The following SEZ6 variants were observed in gnomAD, a reference collection of about 807,000 sequenced individuals.
The protein encoded by SEZ6 is seizure protein 6 homolog.
Under a neutral mutation model 101.0 loss-of-function variants are expected in SEZ6, and 53 were observed. The observed-to-expected ratio is 0.52, with a 90% CI of 0.42 to 0.66. The LOEUF (loss-of-function observed/expected upper bound fraction) is 0.66. Ranked by LOEUF, SEZ6 falls within the 30% of genes least tolerant of loss-of-function variation. The pLI is 0.00. For missense variants in SEZ6, 1,102 were observed against 1,289.4 expected (o/e 0.85, Z 2.23); for synonymous variants, 488 against 512.2 (o/e 0.95, Z 0.64).
At position 28,959,539 on chromosome 17, in the gene SEZ6, G is replaced by T. The variant is rs897025631; in HGVS notation, c.1772-67C>A. On this transcript the variant is annotated intron_variant, in intron 8 of 16. Transcript: ENST00000317338. This position sits in a 1 kb window ranked among gnomAD's most constrained non-coding sequence, Gnocchi z 4.4. ...CCATGGTGTTGCTTACCATCTGCCCGCAGGAGTGCCCACAAATTGCTGGGA... is the reference window on the plus strand; with the variant it reads ...CCATGGTGTTGCTTACCATCTGCCCTCAGGAGTGCCCACAAATTGCTGGGA... 4.4e-6 allele frequency: 7 copies of T among 1,577,968 alleles called. No individual in the cohort carries two copies. Among genetic ancestry groups the T allele is most frequent in the Non-Finnish European group, 5.2e-6 (6 of 1,163,054 alleles).
At chr17:28,965,306 C>T (rs911053068) in intron 4 of SEZ6, among the ~76,000 whole-genome samples, 6 of 152,152 alleles carry the variant, frequency 3.9e-5, no homozygotes, top group African/African-American at 2.4e-5. Context: ...GAGCCGAGAT[C>T]GTGCCATTGC....
chr17:28,964,364 A>G (rs2152684965), intron 4 of SEZ6, among the ~76,000 whole-genome samples: 1 of 152,276 alleles, frequency 6.6e-6, no homozygotes, highest in East Asian at 1.9e-4. Flanking sequence ...CAGAGCTGGA[A>G]ATTAGAAGGG....
intron 5 of SEZ6, among the ~76,000 whole-genome samples, chr17:28,963,249 C>T (rs2041014178): frequency 6.6e-6 from 1 of 152,192 alleles, no homozygotes; most frequent in Non-Finnish European, 1.5e-5. Context: ...CAGGACCAGA[C>T]CTGGGAGTCC....
Position 28,959,929 on chromosome 17 carries a change from C to T in SEZ6, c.1577-37G>A, listed in dbSNP as rs1209162384. On this transcript the variant is annotated intron_variant, in intron 7 of 16. Coordinates refer to ENST00000317338, the MANE Select transcript of SEZ6 (RefSeq NM_178860.5). The surrounding 1 kb of genome is among the most constrained non-coding windows in gnomAD (Gnocchi z 4.4). The stretch of plus-strand genomic sequence containing the variant: ...AGGTCCCAGCCCAGCTCAGCCTTGA[C>T]TGGTATTAAACACAGTGGGCAAGCA... 3.2e-6 allele frequency: 5 copies of T among 1,572,804 alleles called. No individual in the cohort carries two copies. In the Admixed American group the frequency reaches 9.4e-5, roughly 29 times the overall value.
Position 28,957,001 on chromosome 17 carries a change from C to T in SEZ6, c.2692+44G>A, listed in dbSNP as rs534752060. 27 of 1,516,094 alleles carry T rather than the reference C, an allele frequency of 1.8e-5. No individual in the cohort carries two copies. In the South Asian group the frequency reaches 3.5e-4, roughly 20 times the overall value. The allele number at this position is 1,516,094 out of a possible 1,614,324, so 93.9% of individuals were successfully genotyped here. A position where few individuals can be genotyped will look rare whatever the true frequency, so the allele number is the denominator to read the frequency against. ...ACATTGGACATCTTTGCCAGAGCAGCTCTATGGGCCAGGGAGGGTTTTGAG... is the reference window on the plus strand; with the variant it reads ...ACATTGGACATCTTTGCCAGAGCAGTTCTATGGGCCAGGGAGGGTTTTGAG... On this transcript the variant is annotated intron_variant, in intron 13 of 16. Transcript: ENST00000317338.
chr17:28,973,125 T>G (rs779736308), intron 3 of SEZ6, among the ~76,000 whole-genome samples: 2 of 152,174 alleles, frequency 1.3e-5, no homozygotes, highest in Non-Finnish European at 2.9e-5. Context: ...TGTATTGTAC[T>G]AAGTGCTTTT....
At chr17:28,971,547 C>T (rs1222387543) in intron 3 of SEZ6, among the ~76,000 whole-genome samples, 3 of 152,032 alleles carry the variant, frequency 2.0e-5, no homozygotes, top group African/African-American at 7.2e-5. Context: ...GAGCCGAGAT[C>T]GCGCCATTGC....
In SEZ6 at chr17:28,957,529, G is replaced by A; in HGVS notation, c.2313C>T (p.Cys771=). ...TGTGCTCCACATCTCCAGGATCGTG[G>A]CAGGAAGTCACTATGGGTAGGGGGT... ...DLPSCQRVTS[C]HDPGDVEHSR... is the part of the protein sequence containing the mutation. Residue 771 remains cysteine (C), a synonymous_variant, in exon 12 of 17, where the codon TGC becomes TGT. Coordinates refer to ENST00000317338, the MANE Select transcript of SEZ6 (RefSeq NM_178860.5). The A allele has an allele frequency of 1.2e-6, 2 of 1,612,444 alleles. No individual in the cohort carries two copies. The highest frequency in any genetic ancestry group is 3.3e-4 in the Middle Eastern group (2 of 6,062).
intron 16 of SEZ6, 67 bp from the exon 17 acceptor site, chr17:28,956,061 A>G: frequency 6.2e-7 from 1 of 1,603,022 alleles, no homozygotes; most frequent in Non-Finnish European, 8.5e-7. Context: ...GGAAAAGGGA[A>G]AAAGTGAGAG....
At chr17:28,958,909 G>C (rs1261516466) in intron 10 of SEZ6, 116 bp downstream of exon 10, 39 of 1,177,310 alleles carry the variant, frequency 3.3e-5, no homozygotes. Context: ...GGTGATCCCT[G>C]GTGCTTTTCC....
rs561580481 is a variant in SEZ6, at chr17:28,997,041, G to A, written c.55+8774C>T. On this transcript the variant is annotated intron_variant, in intron 1 of 16. Coordinates refer to ENST00000317338, the MANE Select transcript of SEZ6 (RefSeq NM_178860.5). ...CCAACAAGTGGCTGTCGGCTCAGGA[G>A]CATCACTCGACCTGAGCAACAGGCT... 1.1e-3 allele frequency among the ~76,000 whole-genome samples: 163 copies of A among 152,200 alleles called. 2 individuals carry two copies. In the South Asian group the frequency reaches 0.03, roughly 28 times the overall value.
chr17:28,999,001 T>C (rs2041579722), intron 1 of SEZ6, among the ~76,000 whole-genome samples: 1 of 152,074 alleles, frequency 6.6e-6, no homozygotes, highest in Non-Finnish European at 1.5e-5. Context: ...AAAAGGCAGC[T>C]CTCCTCTAAA....
At chr17:28,980,287 A>G (rs1377611714) in intron 2 of SEZ6, among the ~76,000 whole-genome samples, 1 of 149,206 alleles carries the variant, frequency 6.7e-6, no homozygotes, top group African/African-American at 2.5e-5. Context: ...AGCTCACTGC[A>G]ACCTCTGCCT....
At chr17:28,982,652 T>G (rs1598201752) in intron 1 of SEZ6, among the ~76,000 whole-genome samples, 1 of 152,312 alleles carries the variant, frequency 6.6e-6, no homozygotes, top group Admixed American at 6.5e-5. Context: ...GCATGACTTC[T>G]TTTTTTGTTT....
rs548926812 is a variant in SEZ6 at position 28,976,962 on chromosome 17, G to A, written c.858+2718C>T. Among the ~76,000 whole-genome samples, 4 of 152,282 alleles carry A rather than the reference G, an allele frequency of 2.6e-5. No individual in the cohort carries two copies. In the East Asian group the frequency reaches 7.7e-4, roughly 29 times the overall value. ...TCCCTGCCAGCACTGGGCATTCCGT[G>A]GTCATTGTTTATGATTTCTGTCTTC... On this transcript the variant is annotated intron_variant, in intron 3 of 16. Transcript: ENST00000317338.
At position 28,971,404 on chromosome 17, in the gene SEZ6, C is replaced by T. The variant is rs571282173; in HGVS notation, c.859-1452G>A. Among the ~76,000 whole-genome samples, 13 of 152,064 alleles carry T rather than the reference C, an allele frequency of 8.5e-5. No individual in the cohort carries two copies. The East Asian group carries it at 2.5e-3, about 29-fold the overall frequency. On this transcript the variant is annotated intron_variant, in intron 3 of 16. Coordinates refer to ENST00000317338, the MANE Select transcript of SEZ6 (RefSeq NM_178860.5). ...GGTCAGGATTTCAAGACCAGCCTGA[C>T]CAACATGGAGAAACCCCGTCTCTAC...
rs368600393 is a variant in SEZ6 at position 28,956,016 on chromosome 17, T to A, written c.2953-22A>T. 2.1e-4 allele frequency: 337 copies of A among 1,611,696 alleles called. 5 individuals carry two copies. In the South Asian group the frequency reaches 3.4e-3, roughly 16 times the overall value. The stretch of plus-strand genomic sequence containing the variant: ...GAGACTGCTGGGAGTTGGAAACTTG[T>A]ATTAGGTTTGCCAGGCCATAATTCA... On this transcript the variant is annotated intron_variant, in intron 16 of 16. Transcript: ENST00000317338.
At chr17:28,977,088 C>T (rs1242806837) in intron 3 of SEZ6, among the ~76,000 whole-genome samples, 1 of 149,486 alleles carries the variant, frequency 6.7e-6, no homozygotes, top group Non-Finnish European at 1.5e-5. Flanking sequence ...CTCAACAAAA[C>T]TAATTAGTAA....
chr17:28,960,183 A>T, intron 7 of SEZ6: 3 of 572,540 alleles, frequency 5.2e-6, no homozygotes, highest in Non-Finnish European at 9.4e-6. Context: ...CAATGCATGC[A>T]TGCATAAATG....
Sources: gnomAD v4.1 joint callset for allele counts (sites outside exome capture counted in the v4.1 genomes callset) on GRCh38, gnomAD v4.1.1 for gene constraint, Gnocchi (gnomAD v3.1) non-coding constraint, MANE v1.5 for transcripts, NCBI Gene and HGNC (gene_info 2026-07-23, HGNC 2026-07-21) for gene names.